LMF1: variants seen among roughly 807,000 people sequenced by gnomAD.
LMF1 encodes the protein transmembrane protein 112.
LMF1 carries 68 observed loss-of-function variants against 60.6 expected under a neutral mutation model. The observed-to-expected ratio is 1.12, with a 90% confidence interval of 0.92 to 1.37. The LOEUF (loss-of-function observed/expected upper bound fraction) is 1.37. LMF1 is among the 40% of genes most tolerant of loss of function. The probability of loss-of-function intolerance (pLI) is 0.00; values close to 1 mark genes in which losing one functional copy is unlikely to be tolerated. For synonymous variants in LMF1, 418 were observed against 324.7 expected, an observed-to-expected ratio of 1.29 and a Z score of -3.09; for missense variants, 948 against 767.2, an observed-to-expected ratio of 1.24 and a Z score of -2.78.
At chr16:954,219 T>C in intron 2 of LMF1, 138 bp downstream of exon 2, 1 of 950,448 alleles carries the variant, frequency 1.1e-6, no homozygotes, top group Non-Finnish European at 1.6e-6. Context: ...TGCCATGGCC[T>C]AAGTAAAATG....
chr16:938,289 G>C (rs901645643), intron 2 of LMF1, among the ~76,000 whole-genome samples: 1 of 152,176 alleles, frequency 6.6e-6, no homozygotes, highest in African/African-American at 2.4e-5. Flanking sequence ...GCAGGGATGG[G>C]GCTGGACAGT....
intron 2 of LMF1, among the ~76,000 whole-genome samples, chr16:943,045 G>T (rs1236285668): frequency 6.6e-6 from 1 of 152,184 alleles, no homozygotes; most frequent in Non-Finnish European, 1.5e-5. Flanking sequence ...GTACTTTTCA[G>T]TTCTAAAATG....
intron 2 of LMF1, among the ~76,000 whole-genome samples, chr16:948,601 CAA>C: frequency 7.5e-6 from 1 of 133,826 alleles, no homozygotes; most frequent in East Asian, 2.1e-4. Flanking sequence ...ACGACAGAAT[CAA>C]AGACAATGAC....
intron 10 of LMF1, among the ~76,000 whole-genome samples, chr16:859,918 A>T (rs868828559): frequency 9.7e-5 from 8 of 82,350 alleles, no homozygotes; most frequent in Admixed American, 2.4e-4. Context: ...CAGTGGTGTC[A>T]CGGGATCGGT....
intron 10 of LMF1, among the ~76,000 whole-genome samples, chr16:866,847 C>T (rs1343742322): frequency 6.6e-6 from 1 of 152,182 alleles, no homozygotes; most frequent in Non-Finnish European, 1.5e-5. Context: ...TCCTCACCCC[C>T]AAGTCTAGAA....
At chr16:964,200 G>T in intron 1 of LMF1, 1 of 447,936 alleles carries the variant, frequency 2.2e-6, no homozygotes, top group South Asian at 1.6e-5. Flanking sequence ...GGAGGCTGAG[G>T]CAGGAGAATC....
intron 4 of LMF1, among the ~76,000 whole-genome samples, chr16:910,043 T>C (rs1157012176): frequency 1.3e-5 from 2 of 152,208 alleles, no homozygotes; most frequent in Non-Finnish European, 2.9e-5. Context: ...CACAAAAACA[T>C]GAAGATTTTA....
chr16:947,274 C>T (rs1303140744), intron 2 of LMF1: 5 of 354,338 alleles, frequency 1.4e-5, no homozygotes, highest in Non-Finnish European at 2.2e-5. Context: ...TGTCAAATCC[C>T]TTCCCATGCA....
At chr16:899,075 G>GCA (rs1397778887) in intron 4 of LMF1, 1 of 152,416 alleles carries the variant, frequency 6.6e-6, no homozygotes, top group East Asian at 1.9e-4. Context: ...TCACAGGAGA[G>GCA]CACTGTCCTG....
chr16:934,290 T>A (rs757668601), intron 2 of LMF1, 36 bp from the exon 3 acceptor site: 2 of 1,598,918 alleles, frequency 1.3e-6, no homozygotes, highest in Non-Finnish European at 1.7e-6. Flanking sequence ...ATTAACACTT[T>A]GGCTTGTTTC....
At chr16:948,506 C>A (rs1366938823) in intron 2 of LMF1, among the ~76,000 whole-genome samples, 1 of 148,162 alleles carries the variant, frequency 6.7e-6, no homozygotes, top group African/African-American at 2.5e-5. Flanking sequence ...AGTCAGCCAA[C>A]GACAGAGTCA....
intron 3 of LMF1, among the ~76,000 whole-genome samples, chr16:923,375 C>T (rs540735587): frequency 1.1e-4 from 16 of 152,234 alleles, no homozygotes; most frequent in Admixed American, 2.0e-4. Context: ...CTAACTCTGC[C>T]GGCTGAGGGG....
At chr16:856,544 A>G (rs2069189161) in intron 10 of LMF1, among the ~76,000 whole-genome samples, 1 of 152,212 alleles carries the variant, frequency 6.6e-6, no homozygotes, top group Non-Finnish European at 1.5e-5. Context: ...GGGATTGCCC[A>G]TCTTTCCCAA....
chr16:975,879 T>C (rs2073128114), upstream of LMF1: 1 of 453,688 alleles, frequency 2.2e-6, no homozygotes, highest in African/African-American at 2.0e-5. Context: ...GAAAGCAGGT[T>C]TTCCTTTGTG....
Position 871,093 on chromosome 16 carries a change from G to A in LMF1, c.1078+68C>T, listed in dbSNP as rs957152623. 8 of 1,467,908 alleles carry A rather than the reference G, an allele frequency of 5.4e-6. No homozygotes were observed. In the African/African-American group the frequency reaches 1.1e-4, roughly 21 times the overall value. 90.9% of individuals were successfully genotyped at this position (1,467,908 alleles called of 1,614,324 possible). A position where few individuals can be genotyped will look rare whatever the true frequency, so the allele number is the denominator to read the frequency against. The stretch of plus-strand genomic sequence containing the variant: ...CTGGCGTCCCCAACCCACACGGGCA[G>A]GCTGTGGGGCTGGCACCACCCGACT... On this transcript the variant is annotated intron_variant, in intron 7 of 10. Coordinates refer to ENST00000262301, the MANE Select transcript of LMF1 (RefSeq NM_022773.4).
At chr16:943,081 CAG>C (rs1236439542) in intron 2 of LMF1, among the ~76,000 whole-genome samples, 1 of 152,206 alleles carries the variant, frequency 6.6e-6, no homozygotes, top group Non-Finnish European at 1.5e-5. Context: ...TTTAAAGATT[CAG>C]AGTCTCGGCC....
At chr16:859,280 T>A (rs62641039) in intron 10 of LMF1, among the ~76,000 whole-genome samples, 1,484 of 9,034 alleles carry the variant, frequency 0.16, 28 homozygotes, top group East Asian at 0.27. Flanking sequence ...GAGTGGTGTC[T>A]CGGGACGGGT....
rs985359938 is a variant in LMF1 at position 874,820 on chromosome 16, G to A, written c.898-3479C>T. On this transcript the variant is annotated intron_variant, in intron 6 of 10. Coordinates refer to ENST00000262301, the MANE Select transcript of LMF1 (RefSeq NM_022773.4). The surrounding 1 kb of genome is among the most constrained non-coding windows in gnomAD (Gnocchi z 4.1). Reference sequence around the variant, plus strand: ...TCAGGGCACTCGGCTGTCACAGCGCGGCACAGGGGAGTACGCAGCCCCAGC... The same window carrying A: ...TCAGGGCACTCGGCTGTCACAGCGCAGCACAGGGGAGTACGCAGCCCCAGC... Among the ~76,000 whole-genome samples the A allele has an allele frequency of 1.2e-4, 19 of 152,100 alleles. No homozygotes were observed. The highest frequency in any genetic ancestry group is 3.4e-3 in the Middle Eastern group (1 of 294).
At chr16:938,793 T>C (rs1214798138) in intron 2 of LMF1, among the ~76,000 whole-genome samples, 1 of 152,088 alleles carries the variant, frequency 6.6e-6, no homozygotes, top group African/African-American at 2.4e-5. Flanking sequence ...GACCTCAGAG[T>C]ACATAGTCCA....
Sources: gnomAD v4.1 joint callset for allele counts (sites outside exome capture counted in the v4.1 genomes callset) on GRCh38, gnomAD v4.1.1 for gene constraint, Gnocchi (gnomAD v3.1) non-coding constraint, MANE v1.5 for transcripts, NCBI Gene and HGNC (gene_info 2026-07-23, HGNC 2026-07-21) for gene names.